Variants in RASGRF2 observed in about 807,000 individuals in gnomAD.
The protein encoded by RASGRF2 is ras-specific guanine nucleotide-releasing factor 2.
RASGRF2 carries 76 observed loss-of-function variants against 151.0 expected under a neutral mutation model. That is an observed-to-expected ratio of 0.50 (90% CI 0.42 to 0.61). The LOEUF is 0.61. RASGRF2 is among the 20% of genes least tolerant of loss of function. The probability of loss-of-function intolerance (pLI) is 0.00; values close to 1 mark genes in which losing one functional copy is unlikely to be tolerated. For missense variants in RASGRF2, 1,148 were observed against 1,564.6 expected (o/e 0.73, Z 4.49); for synonymous variants, 504 against 566.5 (o/e 0.89, Z 1.57).
intron 2 of RASGRF2, among the ~76,000 whole-genome samples, chr5:81,052,665 T>C (rs1201861396): frequency 6.6e-6 from 1 of 152,150 alleles, no homozygotes; most frequent in Non-Finnish European, 1.5e-5. Flanking sequence ...GTGGAGATAC[T>C]GACAGGAGAG....
intron 22 of RASGRF2, 96 bp downstream of exon 22, chr5:81,208,534 C>CTTTTTTTTTTTTTTTTTTTTTTT (rs71000806): frequency 4.3e-6 from 1 of 233,326 alleles, no homozygotes; most frequent in Non-Finnish European, 7.3e-6. Context: ...CTGTCACCCA[C>CTTTTTTTTTTTTTTTTTTTTTTT]TTTTTTTTTT....
chr5:80,999,321 TA>T (rs1209168323), intron 1 of RASGRF2, among the ~76,000 whole-genome samples: 1 of 152,072 alleles, frequency 6.6e-6, no homozygotes, highest in African/African-American at 2.4e-5. Flanking sequence ...CCTCTCTCCT[TA>T]ACCATTTTTT....
In RASGRF2 at chr5:81,226,927, A is replaced by G. The variant is rs1021865082; in HGVS notation, c.*1157A>G. On this transcript the variant is annotated 3_prime_UTR_variant, in exon 27 of 27. Coordinates refer to ENST00000265080, the MANE Select transcript of RASGRF2 (RefSeq NM_006909.3). The stretch of plus-strand genomic sequence containing the variant: ...CGAACAGCTCTTACATTACAAAACC[A>G]AATGCAAGGGTTAGTCCTGCTACCT... 6.6e-6 allele frequency: 1 copy of G among 152,210 alleles called. No homozygotes were observed. The highest frequency in any genetic ancestry group is 2.4e-5 in the African/African-American group (1 of 41,450). 9.4% of individuals were successfully genotyped at this position (152,210 alleles called of 1,614,324 possible). A position where few individuals can be genotyped will look rare whatever the true frequency, so the allele number is the denominator to read the frequency against.
intron 2 of RASGRF2, among the ~76,000 whole-genome samples, chr5:81,055,528 G>A (rs1337768750): frequency 6.6e-6 from 1 of 152,158 alleles, no homozygotes; most frequent in African/African-American, 2.4e-5. Context: ...GATTCAGTTT[G>A]CCAGTATTTT....
At chr5:81,188,773 C>G (rs1447790314) in intron 18 of RASGRF2, among the ~76,000 whole-genome samples, 2 of 152,086 alleles carry the variant, frequency 1.3e-5, no homozygotes, top group Admixed American at 1.3e-4. Flanking sequence ...GAACCATTTC[C>G]CTGAGGTTCC....
intron 1 of RASGRF2, among the ~76,000 whole-genome samples, chr5:81,041,860 A>T (rs1405267342): frequency 6.6e-6 from 1 of 151,882 alleles, no homozygotes; most frequent in African/African-American, 2.4e-5. Flanking sequence ...GTGGTCACAC[A>T]CTCCCACCCC....
intron 1 of RASGRF2, among the ~76,000 whole-genome samples, chr5:81,011,960 A>G (rs1390721050): frequency 6.6e-6 from 1 of 152,168 alleles, no homozygotes; most frequent in East Asian, 1.9e-4. Context: ...TTTGTCACCT[A>G]TTGACATAAA....
intron 25 of RASGRF2, 99 bp downstream of exon 25, chr5:81,217,572 T>G: frequency 2.0e-6 from 1 of 492,762 alleles, no homozygotes; most frequent in Non-Finnish European, 2.9e-6. Context: ...TTTTTTTCTC[T>G]TCTTTTTTTT....
chr5:81,041,237 G>C (rs953162335), intron 1 of RASGRF2, among the ~76,000 whole-genome samples: 2 of 150,912 alleles, frequency 1.3e-5, no homozygotes, highest in African/African-American at 4.9e-5. Flanking sequence ...GGGAGACGGA[G>C]GTTGCAATGA....
intron 17 of RASGRF2, among the ~76,000 whole-genome samples, chr5:81,165,664 G>GT: frequency 6.6e-6 from 1 of 152,258 alleles, no homozygotes; most frequent in East Asian, 1.9e-4. Flanking sequence ...TGCTGCTCTA[G>GT]GCCATGTGTC....
At chr5:81,058,807 G>A (rs1411537926) in intron 2 of RASGRF2, among the ~76,000 whole-genome samples, 3 of 147,364 alleles carry the variant, frequency 2.0e-5, no homozygotes, top group African/African-American at 7.5e-5. Context: ...AAAAGAGAGT[G>A]TGTAAAATAA....
intron 26 of RASGRF2, among the ~76,000 whole-genome samples, chr5:81,220,619 G>A (rs1399093403): frequency 6.6e-6 from 1 of 152,100 alleles, no homozygotes; most frequent in Admixed American, 6.6e-5. Flanking sequence ...TGAGTAGCCC[G>A]CCACCACGCC....
intron 15 of RASGRF2, among the ~76,000 whole-genome samples, chr5:81,122,139 A>T (rs951110711): frequency 2.0e-5 from 3 of 152,140 alleles, no homozygotes; most frequent in African/African-American, 7.2e-5. Context: ...AGCTTACAGG[A>T]TTCTTCTTTG....
chr5:80,977,735 G>T (rs956969676), intron 1 of RASGRF2, among the ~76,000 whole-genome samples: 1 of 152,150 alleles, frequency 6.6e-6, no homozygotes, highest in Non-Finnish European at 1.5e-5. Context: ...GGGATTATAG[G>T]CGTAAGCCAC....
chr5:81,189,704 C>T (rs1457799778), intron 18 of RASGRF2, among the ~76,000 whole-genome samples: 2 of 137,624 alleles, frequency 1.5e-5, no homozygotes, highest in Non-Finnish European at 3.1e-5. Flanking sequence ...AATCGATGGC[C>T]TATATACTTT....
chr5:81,091,671 C>T (rs899764809), intron 9 of RASGRF2, among the ~76,000 whole-genome samples: 1 of 152,072 alleles, frequency 6.6e-6, no homozygotes, highest in Non-Finnish European at 1.5e-5. Flanking sequence ...GTTTTACCAA[C>T]TTACATATAT....
intron 12 of RASGRF2, among the ~76,000 whole-genome samples, chr5:81,097,040 C>T (rs1001545661): frequency 6.6e-6 from 1 of 151,982 alleles, no homozygotes; most frequent in African/African-American, 2.4e-5. Context: ...CAGCTCACTG[C>T]AACCTCCACC....
intron 1 of RASGRF2, among the ~76,000 whole-genome samples, chr5:80,987,664 G>A (rs1748515452): frequency 6.6e-6 from 1 of 152,156 alleles, no homozygotes; most frequent in African/African-American, 2.4e-5. Context: ...ACTGGGGAAA[G>A]AGGGGATAAA....
chr5:80,969,703 G>A (rs550906398), intron 1 of RASGRF2, among the ~76,000 whole-genome samples: 7 of 151,466 alleles, frequency 4.6e-5, no homozygotes, highest in South Asian at 4.2e-4. Flanking sequence ...CGCCCGTCTC[G>A]GCCTCCCAAA....
Sources: allele counts gnomAD v4.1 joint callset (sites outside exome capture counted in the v4.1 genomes callset), GRCh38; gene constraint gnomAD v4.1.1; transcripts MANE v1.5; gene names NCBI Gene and HGNC (gene_info 2026-07-23, HGNC 2026-07-21).